PCCA: variants seen among roughly 807,000 people sequenced by gnomAD.
The protein encoded by PCCA is propionyl-CoA carboxylase subunit alpha.
Under a neutral mutation model 101.3 loss-of-function variants are expected in PCCA, and 74 were observed. The ratio of observed to expected loss-of-function variants is 0.73; its 90% CI spans 0.61 to 0.89. The LOEUF is 0.89. Ranked by LOEUF, PCCA falls within the 40% of genes least tolerant of loss-of-function variation. PCCA has a pLI of 0.00. For missense variants in PCCA, 891 were observed against 907.0 expected (o/e 0.98, Z 0.23); for synonymous variants, 294 against 313.6 (o/e 0.94, Z 0.66).
intron 6 of PCCA, among the ~76,000 whole-genome samples, chr13:100,175,781 A>G (rs994730366): frequency 2.0e-5 from 3 of 152,256 alleles, no homozygotes; most frequent in African/African-American, 7.2e-5. Context: ...TTAGCAATGC[A>G]TAAAGCAGGA....
chr13:100,111,310 G>A (rs938948479), intron 2 of PCCA, among the ~76,000 whole-genome samples: 2 of 149,434 alleles, frequency 1.3e-5, no homozygotes, highest in Non-Finnish European at 3.0e-5. Context: ...GATTACAGGC[G>A]TGAGCCACCG....
intron 1 of PCCA, among the ~76,000 whole-genome samples, chr13:100,089,867 A>G (rs888242608): frequency 6.6e-6 from 1 of 152,160 alleles, no homozygotes; most frequent in African/African-American, 2.4e-5. Flanking sequence ...AACACATTTC[A>G]TGACTGTTCT....
At chr13:100,211,910 T>C (rs937499551) in intron 7 of PCCA, among the ~76,000 whole-genome samples, 2 of 152,086 alleles carry the variant, frequency 1.3e-5, no homozygotes, top group African/African-American at 4.8e-5. Context: ...CTGCCTACTT[T>C]TTTATATTTT....
intron 11 of PCCA, among the ~76,000 whole-genome samples, chr13:100,269,078 C>T (rs996325239): frequency 6.6e-6 from 1 of 152,146 alleles, no homozygotes; most frequent in Non-Finnish European, 1.5e-5. Context: ...GAACTCCTGG[C>T]ATCAAAAGAT....
intron 12 of PCCA, among the ~76,000 whole-genome samples, chr13:100,289,748 A>G (rs1033505026): frequency 6.6e-6 from 1 of 152,082 alleles, no homozygotes; most frequent in African/African-American, 2.4e-5. Flanking sequence ...AGTTTCCTTG[A>G]CTTTCCAACA....
At chr13:100,194,317 G>A (rs1372312980) in intron 6 of PCCA, among the ~76,000 whole-genome samples, 1 of 152,248 alleles carries the variant, frequency 6.6e-6, no homozygotes, top group East Asian at 1.9e-4. Context: ...ATTTTGACTT[G>A]TGGTAAATTT....
At position 100,388,890 on chromosome 13, in the gene PCCA, A is replaced by G. The variant is rs200497474; in HGVS notation, c.1746+20316A>G. 4.6e-5 allele frequency among the ~76,000 whole-genome samples: 7 copies of G among 152,364 alleles called. No individual in the cohort carries two copies. The East Asian group carries it at 7.7e-4, about 17-fold the overall frequency. ...TATAAATAGAATGAACAGTGGAGCC[A>G]TCTGTTAAAATGCCTTGGCTGAGTG... On this transcript the variant is annotated intron_variant, in intron 19 of 23. Coordinates refer to ENST00000376285, the MANE Select transcript of PCCA (RefSeq NM_000282.4).
chr13:100,106,667 C>T (rs1292188712), intron 2 of PCCA, among the ~76,000 whole-genome samples: 2 of 152,036 alleles, frequency 1.3e-5, no homozygotes, highest in Admixed American at 1.3e-4. Context: ...CACCTGTCTC[C>T]ACCTCCCAAA....
chr13:100,172,200 CAA>C (rs778270607), intron 6 of PCCA, among the ~76,000 whole-genome samples: 8 of 104,266 alleles, frequency 7.7e-5, no homozygotes, highest in Non-Finnish European at 4.0e-5. Flanking sequence ...AACCCTGTCT[CAA>C]AAAAAAAAAA....
At chr13:100,102,856 A>G (rs1200527341) in intron 1 of PCCA, 27 bp from the exon 2 acceptor site, 3 of 1,531,462 alleles carry the variant, frequency 2.0e-6, no homozygotes, top group African/African-American at 1.4e-5. Context: ...AGTATTTGCA[A>G]TTTATTTTGC....
chr13:100,309,214 G>T (rs1337840803), intron 15 of PCCA, among the ~76,000 whole-genome samples: 1 of 152,110 alleles, frequency 6.6e-6, no homozygotes, highest in Non-Finnish European at 1.5e-5. Context: ...GGCCAACATG[G>T]CAAAACCCTG....
At chr13:100,480,908 CG>C (rs1171808355) in intron 21 of PCCA, 1 of 152,246 alleles carries the variant, frequency 6.6e-6, no homozygotes, top group Non-Finnish European at 1.5e-5. Flanking sequence ...CCCTTCTCCA[CG>C]GGGGATCCAT....
intron 18 of PCCA, among the ~76,000 whole-genome samples, chr13:100,362,665 A>G (rs2074749106): frequency 6.6e-6 from 1 of 152,176 alleles, no homozygotes; most frequent in Admixed American, 6.5e-5. Flanking sequence ...GAAGAAGGAA[A>G]GGGAGTATGC....
chr13:100,298,503 A>G (rs2065741429), intron 12 of PCCA, among the ~76,000 whole-genome samples: 1 of 152,078 alleles, frequency 6.6e-6, no homozygotes, highest in South Asian at 2.1e-4. Flanking sequence ...TAAGTGGGAC[A>G]AGATGAACTT....
intron 18 of PCCA, among the ~76,000 whole-genome samples, chr13:100,364,917 C>G (rs756134596): frequency 6.6e-6 from 1 of 152,022 alleles, no homozygotes; most frequent in Non-Finnish European, 1.5e-5. Flanking sequence ...CTGGTGGTGG[C>G]GCACACCTGT....
intron 12 of PCCA, among the ~76,000 whole-genome samples, chr13:100,291,225 C>A (rs1436645238): frequency 6.6e-6 from 1 of 152,054 alleles, no homozygotes; most frequent in African/African-American, 2.4e-5. Flanking sequence ...CTGTGATGAA[C>A]CATGATCATG....
intron 11 of PCCA, among the ~76,000 whole-genome samples, chr13:100,272,537 T>C (rs1187164206): frequency 6.6e-6 from 1 of 152,044 alleles, no homozygotes; most frequent in Non-Finnish European, 1.5e-5. Flanking sequence ...AGGACAATGC[T>C]TGATGGGCCA....
At chr13:100,159,579 A>G (rs1272576403) in intron 6 of PCCA, among the ~76,000 whole-genome samples, 4 of 152,226 alleles carry the variant, frequency 2.6e-5, no homozygotes, top group Admixed American at 2.6e-4. Flanking sequence ...ACTGTGAGAT[A>G]AGATCAATAT....
chr13:100,351,447 A>T (rs1271015352), intron 18 of PCCA, among the ~76,000 whole-genome samples: 2 of 152,150 alleles, frequency 1.3e-5, no homozygotes, highest in African/African-American at 4.8e-5. Context: ...CTCTGTTCGT[A>T]TATATGAAGA....
Sources: gnomAD v4.1 joint callset for allele counts (sites outside exome capture counted in the v4.1 genomes callset) on GRCh38, gnomAD v4.1.1 for gene constraint, MANE v1.5 for transcripts, NCBI Gene and HGNC (gene_info 2026-07-23, HGNC 2026-07-21) for gene names.